Variants in PKHD1 observed in about 807,000 individuals in gnomAD.
PKHD1 encodes the protein PKHD1 ciliary IPT domain containing fibrocystin/polyductin.
In PKHD1, 291 loss-of-function variants were observed where a neutral mutation model predicts 412.0. The observed-to-expected ratio is 0.71, with a 90% CI of 0.64 to 0.78. The LOEUF is 0.78. Among genes scored for constraint, PKHD1 ranks in the 30% least tolerant of loss-of-function variants. The pLI is 0.00. For missense variants in PKHD1, 4,825 were observed against 4,950.7 expected, an observed-to-expected ratio of 0.97 and a Z score of 0.76; for synonymous variants, 1,777 against 1,821.5, an observed-to-expected ratio of 0.98 and a Z score of 0.62.
intron 52 of PKHD1, among the ~76,000 whole-genome samples, chr6:51,830,406 G>A (rs1464874468): frequency 2.0e-5 from 3 of 151,952 alleles, no homozygotes; most frequent in East Asian, 1.9e-4. Flanking sequence ...CCTACTTCTC[G>A]GCAATTTTCA....
chr6:51,761,324 C>A (rs1379823953), intron 55 of PKHD1, among the ~76,000 whole-genome samples: 2 of 152,026 alleles, frequency 1.3e-5, no homozygotes, highest in African/African-American at 4.8e-5. Flanking sequence ...ATGATCCAGG[C>A]CCAAGAAGAC....
chr6:51,987,561 T>C (rs1796364509), intron 35 of PKHD1, among the ~76,000 whole-genome samples: 1 of 152,146 alleles, frequency 6.6e-6, no homozygotes, highest in Non-Finnish European at 1.5e-5. Context: ...GCCCATGCCC[T>C]TAAGCAATAT....
At chr6:51,864,000 G>A (rs1774634879) in intron 48 of PKHD1, among the ~76,000 whole-genome samples, 1 of 152,100 alleles carries the variant, frequency 6.6e-6, no homozygotes, top group Non-Finnish European at 1.5e-5. Context: ...CTATGCAGGT[G>A]CTATAAGTAC....
At chr6:51,704,073 T>C (rs481795) in intron 60 of PKHD1, among the ~76,000 whole-genome samples, 108,100 of 151,854 alleles carry the variant, frequency 0.71, 41,192 homozygotes, top group Non-Finnish European at 0.84. Flanking sequence ...ACATCTTCTA[T>C]CTTTCTTTAT....
At chr6:51,884,083 C>T (rs1393725614) in intron 45 of PKHD1, among the ~76,000 whole-genome samples, 2 of 152,220 alleles carry the variant, frequency 1.3e-5, no homozygotes, top group Admixed American at 6.5e-5. Flanking sequence ...GGGACTAAGA[C>T]ACCACTGGTC....
intron 35 of PKHD1, among the ~76,000 whole-genome samples, chr6:51,991,360 A>G (rs1327763059): frequency 6.6e-6 from 1 of 152,254 alleles, no homozygotes; most frequent in African/African-American, 2.4e-5. Context: ...CACGCCTTCT[A>G]GAAATTCAAA....
chr6:51,863,974 C>T (rs13220074), intron 48 of PKHD1, among the ~76,000 whole-genome samples: 9,999 of 152,084 alleles, frequency 0.066, 399 homozygotes, highest in Non-Finnish European at 0.091. Flanking sequence ...TAAGGACAGA[C>T]GGACAATTTA....
At chr6:51,622,202 C>T (rs1022400957) in intron 66 of PKHD1, among the ~76,000 whole-genome samples, 25 of 152,318 alleles carry the variant, frequency 1.6e-4, no homozygotes, top group African/African-American at 5.8e-4. Context: ...CTTCCAACTT[C>T]CAAAACTTTC....
chr6:52,023,250 T>C (rs1307283999), intron 32 of PKHD1, among the ~76,000 whole-genome samples: 1 of 152,176 alleles, frequency 6.6e-6, no homozygotes, highest in Non-Finnish European at 1.5e-5. Flanking sequence ...AGCCATAAAA[T>C]GAAAATAAAA....
chr6:51,869,026 T>G (rs1321509), intron 47 of PKHD1, among the ~76,000 whole-genome samples: 53,622 of 151,522 alleles, frequency 0.35, 10,341 homozygotes, highest in East Asian at 0.73. Flanking sequence ...AAAAAGAAAA[T>G]AAAATGAAAA....
intron 45 of PKHD1, among the ~76,000 whole-genome samples, chr6:51,885,254 G>A (rs1778025392): frequency 6.6e-6 from 1 of 152,150 alleles, no homozygotes; most frequent in East Asian, 1.9e-4. Flanking sequence ...GGATAATGAA[G>A]AGTAAATGAT....
At chr6:51,621,643 C>A (rs1040767603) in intron 66 of PKHD1, among the ~76,000 whole-genome samples, 14 of 152,134 alleles carry the variant, frequency 9.2e-5, no homozygotes, top group Non-Finnish European at 1.9e-4. Flanking sequence ...ATTTACATGG[C>A]AGCTCCAATC....
chr6:51,798,944 T>A (rs1794998871), intron 52 of PKHD1, among the ~76,000 whole-genome samples: 1 of 152,168 alleles, frequency 6.6e-6, no homozygotes, highest in Admixed American at 6.6e-5. Flanking sequence ...AGCTAAAATA[T>A]GACAAGTACA....
chr6:51,939,046 C>A (rs573238158), intron 36 of PKHD1, among the ~76,000 whole-genome samples: 1 of 151,546 alleles, frequency 6.6e-6, no homozygotes, highest in Admixed American at 6.6e-5. Context: ...TTTAATCATG[C>A]GGGGATGTCT....
chr6:51,671,610 G>A (rs1014717565), intron 60 of PKHD1, among the ~76,000 whole-genome samples: 2 of 151,472 alleles, frequency 1.3e-5, no homozygotes, highest in African/African-American at 2.5e-5. Context: ...TTCCTTTGGA[G>A]GAGGAGAGGC....
intron 64 of PKHD1, among the ~76,000 whole-genome samples, chr6:51,636,890 C>G (rs1013882945): frequency 2.0e-5 from 3 of 152,082 alleles, no homozygotes; most frequent in Non-Finnish European, 2.9e-5. Flanking sequence ...AAATCTCATT[C>G]TGAAAGAGTC....
intron 63 of PKHD1, among the ~76,000 whole-genome samples, chr6:51,646,692 T>C (rs1770126595): frequency 6.6e-6 from 1 of 152,220 alleles, no homozygotes; most frequent in East Asian, 1.9e-4. Context: ...ATCCACCCAA[T>C]ATAACAAGAT....
rs751922159 is a variant in PKHD1, at chr6:51,887,139, C to A, written c.7103G>T (p.Cys2368Phe). The part of the protein sequence containing the change: ...LSFTQNIAHS[C>F]TRYGLFVYPK... ...TGAATTTCCCCAAAGTTACCTGGTA[C>A]AAGAATGTGCAATGTTCTGAGTGAA... The change falls in exon 44 of 67, where the codon TGT becomes TTT. Residue 2368 changes from cysteine to phenylalanine, a missense_variant. Physicochemically the swap from Cys to Phe is radical, Grantham distance 205. Coordinates refer to ENST00000371117, the MANE Select transcript of PKHD1 (RefSeq NM_138694.4). 1 of 1,598,870 alleles carries A rather than the reference C, an allele frequency of 6.3e-7. No homozygotes were observed. The highest frequency in any genetic ancestry group is 1.1e-5 in the South Asian group (1 of 90,802).
intron 55 of PKHD1, among the ~76,000 whole-genome samples, chr6:51,758,045 A>AGAGAGAGAGAGAGG: frequency 6.6e-6 from 1 of 150,996 alleles, no homozygotes; most frequent in South Asian, 2.1e-4. Context: ...AGAGAGAGAG[A>AGAGAGAGAGAGAGG]GAGAGAGAAA....
Sources: allele counts gnomAD v4.1 joint callset (sites outside exome capture counted in the v4.1 genomes callset), GRCh38; gene constraint gnomAD v4.1.1; transcripts MANE v1.5; gene names NCBI Gene and HGNC (gene_info 2026-07-23, HGNC 2026-07-21).